CDKL5: variants seen among roughly 807,000 people sequenced by gnomAD.
CDKL5 encodes cyclin dependent kinase like 5.
CDKL5 carries 8 observed loss-of-function variants against 61.7 expected under a neutral mutation model. The observed-to-expected ratio is 0.13, with a 90% CI of 0.08 to 0.23. The LOEUF is 0.23. CDKL5 is among the 10% of genes least tolerant of loss of function. The probability of loss-of-function intolerance (pLI) is 1.00; values close to 1 mark genes in which losing one functional copy is unlikely to be tolerated. For synonymous variants in CDKL5, 275 were observed against 272.3 expected, an observed-to-expected ratio of 1.01 and a Z score of -0.10; for missense variants, 440 against 734.5, an observed-to-expected ratio of 0.60 and a Z score of 4.63.
chrX:18,548,978 A>G (rs1321314521), intron 3 of CDKL5, among the ~76,000 whole-genome samples: 1 of 111,903 alleles, frequency 8.9e-6, no homozygotes, highest in African/African-American at 3.2e-5. Flanking sequence ...AGGATATTGT[A>G]TTTGCCAGAA....
At chrX:18,446,307 C>T (rs758576353) in intron 1 of CDKL5, among the ~76,000 whole-genome samples, 3 of 108,218 alleles carry the variant, frequency 2.8e-5, no homozygotes, top group South Asian at 4.1e-4. Flanking sequence ...GCTGAGACCA[C>T]GCCATTGCAC....
intron 20 of CDKL5, among the ~76,000 whole-genome samples, chrX:18,649,316 A>C (rs759683814): frequency 1.8e-5 from 2 of 111,202 alleles, no homozygotes; most frequent in South Asian, 3.9e-4. Flanking sequence ...GCTCTCTGCA[A>C]CTCTAACTCC....
At position 18,581,526 on chromosome X, in the gene CDKL5, C is replaced by T. The variant is rs190465982; in HGVS notation, c.404-365C>T. ...TTTTAAAGTATCTTGTGGGTGTAAACATTTTATATTTCTATCTCCAAAAAT... is the reference window on the plus strand; with the variant it reads ...TTTTAAAGTATCTTGTGGGTGTAAATATTTTATATTTCTATCTCCAAAAAT... On this transcript the variant is annotated intron_variant, in intron 6 of 17. Transcript: ENST00000623535. Among the ~76,000 whole-genome samples, 483 of 111,582 alleles carry T rather than the reference C, an allele frequency of 4.3e-3. 2 individuals are homozygous for T. In the Middle Eastern group the frequency reaches 0.046, roughly 11 times the overall value.
At chrX:18,538,258 G>A (rs760649176) in intron 3 of CDKL5, among the ~76,000 whole-genome samples, 13 of 111,688 alleles carry the variant, frequency 1.2e-4, no homozygotes, top group South Asian at 3.8e-4. Flanking sequence ...TGAAGTACCC[G>A]TGCCATTTTT....
At chrX:18,430,868 CTTTTTTTT>C (rs559417310) in intron 1 of CDKL5, among the ~76,000 whole-genome samples, 3 of 100,163 alleles carry the variant, frequency 3.0e-5, no homozygotes, top group African/African-American at 1.1e-4. Context: ...TTTTTTTTTT[CTTTTTTTT>C]TTGAGATGAG....
At chrX:18,444,820 C>T (rs991740168) in intron 1 of CDKL5, among the ~76,000 whole-genome samples, 1 of 111,943 alleles carries the variant, frequency 8.9e-6, no homozygotes, top group Non-Finnish European at 1.9e-5. Context: ...TTCCCTTCTT[C>T]CCTCCAAGAT....
At chrX:18,484,493 T>G (rs1490772552) in intron 1 of CDKL5, among the ~76,000 whole-genome samples, 1 of 109,538 alleles carries the variant, frequency 9.1e-6, no homozygotes, top group African/African-American at 3.3e-5. Context: ...AATTTTTGTA[T>G]TTTTAGTAGA....
chrX:18,571,780 T>C (rs1473210382), intron 4 of CDKL5, among the ~76,000 whole-genome samples: 4 of 111,582 alleles, frequency 3.6e-5, no homozygotes, highest in Admixed American at 9.5e-5. Context: ...CCCATTTTGC[T>C]TGAATTTAGG....
At position 18,610,728 on chromosome X, in the gene CDKL5, G is replaced by C. The variant is rs1428485226; in HGVS notation, c.2152+1158G>C. Among the ~76,000 whole-genome samples, 6 of 112,711 alleles carry C rather than the reference G, an allele frequency of 5.3e-5. No individual in the cohort carries two copies. The South Asian group carries it at 2.2e-3, about 41-fold the overall frequency. On this transcript the variant is annotated intron_variant, in intron 14 of 17. Transcript: ENST00000623535. The stretch of plus-strand genomic sequence containing the variant: ...GGCAATCCCTTTTAGTAACTATGCA[G>C]TAATAGATTGTAAAGCCCTTGGGCA...
chrX:18,554,658 C>T (rs1262835865), intron 3 of CDKL5, among the ~76,000 whole-genome samples: 4 of 110,634 alleles, frequency 3.6e-5, no homozygotes, highest in African/African-American at 6.6e-5. Context: ...TCAGGTGATC[C>T]GTCCGCTTCG....
chrX:18,459,698 C>CTTTTTTT lies in CDKL5; in HGVS notation c.-163+34022_-163+34028dup, dbSNP rs756249968. 5.8e-4 allele frequency among the ~76,000 whole-genome samples: 31 copies of CTTTTTTT among 53,573 alleles called. 1 individual carries two copies. The highest frequency in any genetic ancestry group is 8.5e-4 in the African/African-American group (11 of 13,008). 46.5% of individuals were successfully genotyped at this position (53,573 alleles called of 115,157 possible). ...GGGGAGGCCTCAGGAAGCTTTCTTT[C>CTTTTTTT]TTTTTTTTTTTTTTTTTTTTTTTTT... On this transcript the variant is annotated intron_variant, in intron 1 of 17. Coordinates refer to ENST00000623535, the MANE Select transcript of CDKL5 (RefSeq NM_001323289.2).
chrX:18,539,509 G>T (rs1475424804), intron 3 of CDKL5, among the ~76,000 whole-genome samples: 3 of 111,815 alleles, frequency 2.7e-5, no homozygotes, highest in Non-Finnish European at 3.8e-5. Context: ...ACTATTTGGA[G>T]ATTTTCCTGT....
exon 21 of CDKL5, chrX:18,650,447 C>T: frequency 8.3e-7 from 1 of 1,211,941 alleles, no homozygotes; most frequent in Non-Finnish European, 1.1e-6. Context: ...AGAAGCCTCA[C>T]ACTCCGTGCG....
At chrX:18,509,197 G>GCACACGCGCACACACACA (rs1555940192) in intron 2 of CDKL5, among the ~76,000 whole-genome samples, 3 of 64,314 alleles carry the variant, frequency 4.7e-5, no homozygotes, top group African/African-American at 1.8e-4. Flanking sequence ...CTCAAAACAC[G>GCACACGCGCACACACACA]CACACACACA....
intron 1 of CDKL5, among the ~76,000 whole-genome samples, chrX:18,486,092 G>T (rs139463068): frequency 0.012 from 1,287 of 110,985 alleles, 8 homozygotes; most frequent in Middle Eastern, 0.033. Context: ...GCCTTTTTTC[G>T]TGTTATTCCT....
chrX:18,553,857 T>C (rs1475049513), intron 3 of CDKL5, among the ~76,000 whole-genome samples: 1 of 111,377 alleles, frequency 9.0e-6, no homozygotes, highest in Admixed American at 9.6e-5. Flanking sequence ...TTCATAAGAC[T>C]ATCCTCTTTT....
exon 21 of CDKL5, chrX:18,650,505 C>G: frequency 1.7e-6 from 2 of 1,211,951 alleles, no homozygotes; most frequent in Non-Finnish European, 1.1e-6. Flanking sequence ...TGCTCCCTAT[C>G]CAGTACTCCA....
chrX:18,626,274 G>T (rs1180168813), intron 17 of CDKL5, among the ~76,000 whole-genome samples: 1 of 110,162 alleles, frequency 9.1e-6, no homozygotes, highest in African/African-American at 3.3e-5. Flanking sequence ...TTGCCATGTT[G>T]CCCAGGCTGG....
In CDKL5 at chrX:18,575,339, T is replaced by C; in HGVS notation, c.146-15T>C. 4.2e-6 allele frequency: 5 copies of C among 1,202,149 alleles called. No individual in the cohort carries two copies. The highest frequency in any genetic ancestry group is 5.6e-6 in the Non-Finnish European group (5 of 887,145). On this transcript the variant is annotated splice_polypyrimidine_tract_variant and intron_variant, in intron 4 of 17. Transcript: ENST00000623535. Reference sequence around the variant, plus strand: ...AGTTTTCATTTTAGTCTCTTCACCATTGTTTACATTCTAGAAAATGAAGAA... The same window carrying C: ...AGTTTTCATTTTAGTCTCTTCACCACTGTTTACATTCTAGAAAATGAAGAA...
Sources: allele counts gnomAD v4.1 joint callset (sites outside exome capture counted in the v4.1 genomes callset), GRCh38; gene constraint gnomAD v4.1.1; transcripts MANE v1.5; gene names NCBI Gene and HGNC (gene_info 2026-07-23, HGNC 2026-07-21).